The following CPSF4L variants were observed in gnomAD, a reference collection of about 807,000 sequenced individuals.
CPSF4L encodes cleavage and polyadenylation specific factor 4 like, also known as putative cleavage and polyadenylation specificity factor subunit 4-like protein.
In CPSF4L, 18 loss-of-function variants were observed where a neutral mutation model predicts 24.0. The ratio of observed to expected loss-of-function variants is 0.75; its 90% confidence interval spans 0.52 to 1.11. The LOEUF is 1.11. Ranked by LOEUF, CPSF4L falls within the 50% of genes least tolerant of loss-of-function variation. The pLI is 0.00. For synonymous variants in CPSF4L, 72 were observed against 77.2 expected, an observed-to-expected ratio of 0.93 and a Z score of 0.35; for missense variants, 211 against 221.8, an observed-to-expected ratio of 0.95 and a Z score of 0.31.
At chr17:73,260,398 C>T (rs572883194) in intron 2 of CPSF4L, among the ~76,000 whole-genome samples, 12 of 152,170 alleles carry the variant, frequency 7.9e-5, no homozygotes, top group African/African-American at 2.6e-4. Context: ...GCTGCTGAGG[C>T]GGGAAAATCT....
intron 2 of CPSF4L, among the ~76,000 whole-genome samples, chr17:73,259,577 G>C (rs914624913): frequency 1.3e-5 from 2 of 150,908 alleles, no homozygotes; most frequent in African/African-American, 4.8e-5. Flanking sequence ...TTTGCAGAAG[G>C]GTGTTGCTAG....
chr17:73,248,362 C>T (rs1317139825), downstream of CPSF4L: 4 of 835,200 alleles, frequency 4.8e-6, no homozygotes, highest in African/African-American at 3.4e-5. Context: ...AAGAACGTCT[C>T]TAACATGATT....
downstream of CPSF4L, among the ~76,000 whole-genome samples, chr17:73,246,660 C>T (rs1240228998): frequency 3.3e-5 from 5 of 152,192 alleles, no homozygotes; most frequent in Admixed American, 3.3e-4. Flanking sequence ...ATTCCCAATC[C>T]CCTGCTCCTT....
At chr17:73,244,874 G>C (rs2061922672), downstream of CPSF4L, among the ~76,000 whole-genome samples, 1 of 151,656 alleles carries the variant, frequency 6.6e-6, no homozygotes. Context: ...CATGGGTGAG[G>C]AAAAGAAGTG....
intron 1 of CPSF4L, among the ~76,000 whole-genome samples, chr17:73,261,358 G>A (rs1027240519): frequency 6.6e-6 from 1 of 152,220 alleles, no homozygotes; most frequent in African/African-American, 2.4e-5. Flanking sequence ...AGAGAGGCCT[G>A]TAGAGAAGGA....
chr17:73,242,217 G>T, the CPSF4L span: 1 of 1,476,732 alleles, frequency 6.8e-7, no homozygotes, highest in South Asian at 1.2e-5. Context: ...GGTAAACAAT[G>T]ACAGTGACTT....
chr17:73,243,124 G>C, the CPSF4L span: 1 of 756,974 alleles, frequency 1.3e-6, no homozygotes, highest in East Asian at 2.7e-5. Context: ...TATCTGGCAT[G>C]CCCTGGTGAA....
chr17:73,250,297 CTT>C (rs1398782072), intron 5 of CPSF4L: 3 of 1,550,624 alleles, frequency 1.9e-6, no homozygotes, highest in African/African-American at 1.4e-5. Flanking sequence ...ATGGCCTGGT[CTT>C]TGACACAAAA....
chr17:73,253,559 TA>T (rs1354807893), intron 4 of CPSF4L, among the ~76,000 whole-genome samples: 1 of 152,160 alleles, frequency 6.6e-6, no homozygotes, highest in African/African-American at 2.4e-5. Context: ...AGGACATGCT[TA>T]AGCAACACTC....
chr17:73,262,108 C>A, upstream of CPSF4L: 1 of 417,972 alleles, frequency 2.4e-6, no homozygotes, highest in East Asian at 4.0e-5. Context: ...GCCCCACAAA[C>A]TGCTTATCTT....
chr17:73,251,412 C>T (rs547522516), intron 5 of CPSF4L, among the ~76,000 whole-genome samples: 9 of 152,284 alleles, frequency 5.9e-5, no homozygotes, highest in African/African-American at 1.9e-4. Context: ...TGCTCGGAGG[C>T]CCCAGTAGCC....
At chr17:73,242,729 CAAGTT>C in the CPSF4L span, among the ~76,000 whole-genome samples, 1 of 152,198 alleles carries the variant, frequency 6.6e-6, no homozygotes, top group Non-Finnish European at 1.5e-5. Context: ...TGAATCTAGT[CAAGTT>C]AAGGTTCTTT....
At chr17:73,253,785 G>A (rs1381210750) in intron 4 of CPSF4L, 146 bp downstream of exon 4, 1 of 578,086 alleles carries the variant, frequency 1.7e-6, no homozygotes, top group African/African-American at 1.9e-5. Context: ...GTGTGTCACA[G>A]CAGAGCTGGA....
the CPSF4L span, chr17:73,242,951 G>T: frequency 6.2e-7 from 1 of 1,613,954 alleles, no homozygotes; most frequent in Non-Finnish European, 8.5e-7. Context: ...GCATCACGAT[G>T]CTCTTCACAG....
At chr17:73,248,153 G>A (rs2061977667), downstream of CPSF4L, 1 of 263,282 alleles carries the variant, frequency 3.8e-6, no homozygotes, top group Non-Finnish European at 7.3e-6. Context: ...TTTCGCTCAT[G>A]TATGCAAAAT....
the CPSF4L span, chr17:73,242,869 C>T: frequency 6.3e-7 from 1 of 1,589,682 alleles, no homozygotes; most frequent in Non-Finnish European, 8.6e-7. Context: ...GTTGCTGTAA[C>T]AACAAGCCGT....
downstream of CPSF4L, chr17:73,245,344 T>C: frequency 7.2e-7 from 1 of 1,381,172 alleles, no homozygotes. Flanking sequence ...GAATCTAAAA[T>C]AATGATACAG....
At chr17:73,259,376 G>T (rs2062036451) in intron 2 of CPSF4L, among the ~76,000 whole-genome samples, 1 of 150,160 alleles carries the variant, frequency 6.7e-6, no homozygotes, top group East Asian at 2.0e-4. Context: ...ATTATGTTTT[G>T]TAGAGATGGG....
At chr17:73,251,105 C>T in intron 5 of CPSF4L, 1 of 1,541,988 alleles carries the variant, frequency 6.5e-7, no homozygotes, top group South Asian at 1.2e-5. Flanking sequence ...TGGCAAGCTA[C>T]AGCTGAAGTG....
Sources: allele counts gnomAD v4.1 joint callset (sites outside exome capture counted in the v4.1 genomes callset), GRCh38; gene constraint gnomAD v4.1.1; transcripts MANE v1.5; gene names NCBI Gene and HGNC (gene_info 2026-07-23, HGNC 2026-07-21).